FBXL17: variants seen among roughly 807,000 people sequenced by gnomAD.
The protein encoded by FBXL17 is F-box and leucine rich repeat protein 17, also known as F-box/LRR-repeat protein 17.
Under a neutral mutation model 66.2 loss-of-function variants are expected in FBXL17, and 22 were observed. The observed-to-expected ratio is 0.33, with a 90% CI of 0.24 to 0.47. The LOEUF (loss-of-function observed/expected upper bound fraction) is 0.47, where lower values mean the gene tolerates loss of function less well. FBXL17 is among the 20% of genes least tolerant of loss of function. The pLI is 1.00. For synonymous variants in FBXL17, 474 were observed against 400.5 expected (o/e 1.18, Z -2.19); for missense variants, 878 against 948.2 (o/e 0.93, Z 0.97).
Position 108,179,671 on chromosome 5 carries a change from TTCTC to T in FBXL17, c.1745+6442_1745+6445del, listed in dbSNP as rs1752927959. On this transcript the variant is annotated intron_variant, in intron 6 of 8. Transcript: ENST00000542267. ...TGTTTGAACACTAACAAAGAGTGCA[TTCTC>T]TATTTTGGAAGGCAGACAATGAAAA... Among the ~76,000 whole-genome samples, 6 of 152,302 alleles carry T rather than the reference TTCTC, an allele frequency of 3.9e-5. No homozygotes were observed. In the South Asian group the frequency reaches 1.2e-3, roughly 32 times the overall value.
intron 6 of FBXL17, among the ~76,000 whole-genome samples, chr5:108,117,665 G>GTAT (rs1191079349): frequency 1.3e-5 from 2 of 152,090 alleles, no homozygotes; most frequent in African/African-American, 4.8e-5. Flanking sequence ...AAACGTTGAG[G>GTAT]TATTAATAGG....
chr5:108,334,489 C>A (rs1393560621), intron 4 of FBXL17, among the ~76,000 whole-genome samples: 3 of 152,142 alleles, frequency 2.0e-5, no homozygotes, highest in African/African-American at 7.2e-5. Context: ...ATGGGCCATG[C>A]GATGTGCTGC....
At chr5:107,980,712 A>T in intron 7 of FBXL17, among the ~76,000 whole-genome samples, 2 of 120,936 alleles carry the variant, frequency 1.7e-5, no homozygotes, top group Non-Finnish European at 3.3e-5. Flanking sequence ...GCTGGAGTGC[A>T]GTGGCGCGAT....
chr5:107,907,637 C>T (rs1200018159), intron 7 of FBXL17, among the ~76,000 whole-genome samples: 2 of 152,080 alleles, frequency 1.3e-5, no homozygotes, highest in African/African-American at 2.4e-5. Flanking sequence ...GGGCAAAGGA[C>T]ATGAACAGAC....
intron 7 of FBXL17, among the ~76,000 whole-genome samples, chr5:107,960,254 A>G (rs995877059): frequency 2.0e-5 from 3 of 152,074 alleles, no homozygotes; most frequent in Non-Finnish European, 2.9e-5. Context: ...AAGGTGTACA[A>G]TGTGATATTT....
At chr5:108,102,736 T>C (rs1749648566) in intron 6 of FBXL17, among the ~76,000 whole-genome samples, 1 of 152,184 alleles carries the variant, frequency 6.6e-6, no homozygotes, top group African/African-American at 2.4e-5. Context: ...AAAACCTTTA[T>C]GAAAAGATAC....
intron 7 of FBXL17, among the ~76,000 whole-genome samples, chr5:107,946,647 T>G (rs72795979): frequency 6.6e-6 from 1 of 151,568 alleles, no homozygotes; most frequent in Admixed American, 6.6e-5. Flanking sequence ...TATCTTGAAA[T>G]CTTTGTCAGG....
chr5:108,116,508 C>T lies in FBXL17; in HGVS notation c.1745+69609G>A, dbSNP rs924951500. On this transcript the variant is annotated intron_variant, in intron 6 of 8. Transcript: ENST00000542267. ...CAAAAAAAAAAAAAAATTAGCTGGG[C>T]GTGGTGGCATGTGCCTGTAGTCCCA... Among the ~76,000 whole-genome samples the T allele has an allele frequency of 7.3e-5, 11 of 150,328 alleles. No homozygotes were observed. The South Asian group carries it at 8.4e-4, about 12-fold the overall frequency.
chr5:108,140,172 A>C (rs115713418), intron 6 of FBXL17, among the ~76,000 whole-genome samples: 1,661 of 152,196 alleles, frequency 0.011, 44 homozygotes, highest in African/African-American at 0.038. Flanking sequence ...CATCCTGCCA[A>C]GTAGTTGGGA....
intron 7 of FBXL17, among the ~76,000 whole-genome samples, chr5:107,956,363 C>A (rs181675716): frequency 1.3e-5 from 2 of 152,168 alleles, no homozygotes; most frequent in East Asian, 3.9e-4. Context: ...GGTTTCAGAA[C>A]CACTGCTATA....
At chr5:108,159,200 C>T (rs1752113320) in intron 6 of FBXL17, among the ~76,000 whole-genome samples, 2 of 152,134 alleles carry the variant, frequency 1.3e-5, no homozygotes, top group Admixed American at 1.3e-4. Context: ...TCTCATATCC[C>T]TCAAAAATCT....
intron 7 of FBXL17, among the ~76,000 whole-genome samples, chr5:107,939,053 C>A (rs1009692786): frequency 6.6e-6 from 1 of 152,184 alleles, no homozygotes; most frequent in East Asian, 1.9e-4. Context: ...ATCGTCCAAA[C>A]CAACATTCCT....
chr5:108,349,426 G>C (rs1747502155), intron 3 of FBXL17, among the ~76,000 whole-genome samples: 1 of 151,586 alleles, frequency 6.6e-6, no homozygotes, highest in Non-Finnish European at 1.5e-5. Flanking sequence ...CATTGCTTTT[G>C]TAAGAAAAAA....
intron 6 of FBXL17, among the ~76,000 whole-genome samples, chr5:108,139,577 T>C (rs1751274037): frequency 6.6e-6 from 1 of 152,214 alleles, no homozygotes; most frequent in Non-Finnish European, 1.5e-5. Flanking sequence ...CTGCCACTTC[T>C]AATAGCAGCT....
chr5:108,115,417 C>T (rs1399041206), intron 6 of FBXL17, among the ~76,000 whole-genome samples: 3 of 151,722 alleles, frequency 2.0e-5, no homozygotes, highest in Non-Finnish European at 4.4e-5. Context: ...TAAACTTAGT[C>T]CTTAAATTCT....
At chr5:108,044,802 G>T (rs948861774) in intron 6 of FBXL17, among the ~76,000 whole-genome samples, 26 of 151,830 alleles carry the variant, frequency 1.7e-4, no homozygotes, top group Non-Finnish European at 1.9e-4. Context: ...TTAAATTATC[G>T]ATGCAATTTC....
At chr5:108,243,246 TAACCACTTTCCTTC>T (rs1192385116) in intron 4 of FBXL17, among the ~76,000 whole-genome samples, 1 of 152,212 alleles carries the variant, frequency 6.6e-6, no homozygotes, top group Non-Finnish European at 1.5e-5. Context: ...AAATACGACC[TAACCACTTTCCTTC>T]AATTTGCTGA....
rs377258933 is a variant in FBXL17 at position 108,096,324 on chromosome 5, C to A, written c.1746-75323G>T. ...AATAGAAAATATAGTGTTTTTCAGA[C>A]ATGAGCATAACAGCTCTCAATTTAG... On this transcript the variant is annotated intron_variant, in intron 6 of 8. Coordinates refer to ENST00000542267, the MANE Select transcript of FBXL17 (RefSeq NM_001163315.3). Among the ~76,000 whole-genome samples, 73 of 152,282 alleles carry A rather than the reference C, an allele frequency of 4.8e-4. 1 individual carries two copies. The South Asian group carries it at 0.013, about 27-fold the overall frequency.
chr5:108,277,967 T>C (rs1757551601), intron 4 of FBXL17, among the ~76,000 whole-genome samples: 1 of 151,284 alleles, frequency 6.6e-6, no homozygotes, highest in African/African-American at 2.4e-5. Flanking sequence ...CCAAATCATG[T>C]GTAGACAATC....
Sources: allele counts gnomAD v4.1 joint callset (sites outside exome capture counted in the v4.1 genomes callset), GRCh38; gene constraint gnomAD v4.1.1; transcripts MANE v1.5; gene names NCBI Gene and HGNC (gene_info 2026-07-23, HGNC 2026-07-21).